CHP1: variants seen among roughly 807,000 people sequenced by gnomAD.
CHP1 encodes calcineurin like EF-hand protein 1.
CHP1 carries 11 observed loss-of-function variants against 27.4 expected under a neutral mutation model. The ratio of observed to expected loss-of-function variants is 0.40; its 90% confidence interval spans 0.25 to 0.67. The LOEUF is 0.67. Among genes scored for constraint, CHP1 ranks in the 30% least tolerant of loss-of-function variants. The pLI, the probability that CHP1 is intolerant of heterozygous loss-of-function variation, is 0.38. For missense variants in CHP1, 169 were observed against 251.3 expected (o/e 0.67, Z 2.22); for synonymous variants, 89 against 87.4 (o/e 1.02, Z -0.10).
intron 4 of CHP1, 31 bp downstream of exon 4, chr15:41,262,914 A>G (rs2047440807): frequency 1.2e-6 from 2 of 1,607,838 alleles, no homozygotes. Flanking sequence ...GGCTTAAAAT[A>G]CTTGCTTTTC....
intron 2 of CHP1, among the ~76,000 whole-genome samples, chr15:41,252,369 A>G (rs1203765244): frequency 6.6e-6 from 1 of 151,532 alleles, no homozygotes; most frequent in Non-Finnish European, 1.5e-5. Flanking sequence ...GGGTTTTACC[A>G]TCTTGGCCAG....
chr15:41,243,988 A>G (rs1399993432), intron 2 of CHP1, among the ~76,000 whole-genome samples: 1 of 152,144 alleles, frequency 6.6e-6, no homozygotes, highest in East Asian at 1.9e-4. Context: ...TCATGAGGCC[A>G]GGAGGTCCAG....
chr15:41,273,897 T>C (rs59384759), intron 5 of CHP1, among the ~76,000 whole-genome samples: 1 of 151,068 alleles, frequency 6.6e-6, no homozygotes, highest in Non-Finnish European at 1.5e-5. Context: ...GCTGAGATCA[T>C]GCCACTGCTC....
At position 41,274,115 on chromosome 15, in the gene CHP1, C is replaced by A. The variant is rs577858672; in HGVS notation, c.411+3497C>A. On this transcript the variant is annotated intron_variant, in intron 5 of 6. Coordinates refer to ENST00000334660, the MANE Select transcript of CHP1 (RefSeq NM_007236.5). ...AGCTGGGACTATAGGCACCTGCCAC[C>A]ACGCCTGGCTAATTTTTGTATTTTT... Among the ~76,000 whole-genome samples, 568 of 152,074 alleles carry A rather than the reference C, an allele frequency of 3.7e-3. 2 individuals are homozygous for A. The highest frequency in any genetic ancestry group is 6.9e-3 in the South Asian group (33 of 4,812).
rs543642916 is a variant in CHP1, at chr15:41,273,405, G to A, written c.411+2787G>A. On this transcript the variant is annotated intron_variant, in intron 5 of 6. Transcript: ENST00000334660. ...CTTATTTATCTTTTTTTCTGGAGACGGTGTTTCACTCTGTCGCCCAGGCTG... is the reference window on the plus strand; with the variant it reads ...CTTATTTATCTTTTTTTCTGGAGACAGTGTTTCACTCTGTCGCCCAGGCTG... 3.3e-5 allele frequency among the ~76,000 whole-genome samples: 5 copies of A among 151,746 alleles called. No homozygotes were observed. The South Asian group carries it at 1.0e-3, about 32-fold the overall frequency.
rs539996710 is a variant in CHP1, at chr15:41,242,759, C to T, written c.68-908C>T. ...AGGAGTTCAAGACCATCCTGGTCAA[C>T]ATGGCAAAACCCTGTCTCTACTAAA... On this transcript the variant is annotated intron_variant, in intron 1 of 6. Transcript: ENST00000334660. Among the ~76,000 whole-genome samples the T allele has an allele frequency of 1.8e-3, 273 of 151,152 alleles. 2 individuals are homozygous for T. The highest frequency in any genetic ancestry group is 3.2e-3 in the Non-Finnish European group (219 of 67,856).
chr15:41,255,443 T>TGGGTG (rs1335720970), intron 2 of CHP1, among the ~76,000 whole-genome samples: 1 of 151,922 alleles, frequency 6.6e-6, no homozygotes, highest in East Asian at 1.9e-4. Context: ...GAGGCTGAGG[T>TGGGTG]GGGTGGATCA....
chr15:41,267,340 C>A, intron 4 of CHP1, among the ~76,000 whole-genome samples: 1 of 151,810 alleles, frequency 6.6e-6, no homozygotes, highest in African/African-American at 2.4e-5. Flanking sequence ...TTAAATGATA[C>A]ATTTTATGTA....
intron 6 of CHP1, among the ~76,000 whole-genome samples, chr15:41,279,100 A>G (rs2047533548): frequency 6.6e-6 from 1 of 151,972 alleles, no homozygotes; most frequent in Admixed American, 6.6e-5. Context: ...AATCCCAGCT[A>G]CTTGGGAGGC....
chr15:41,266,337 C>G (rs961343959), intron 4 of CHP1, among the ~76,000 whole-genome samples: 1 of 151,854 alleles, frequency 6.6e-6, no homozygotes. Flanking sequence ...AGGTACAACC[C>G]TATCTACAGG....
chr15:41,264,220 C>T (rs1034966444), intron 4 of CHP1: 1 of 1,286,794 alleles, frequency 7.8e-7, no homozygotes, highest in Non-Finnish European at 1.0e-6. Context: ...AGCAACACTC[C>T]TCCCAAGCAT....
chr15:41,244,569 A>G (rs1307359853), intron 2 of CHP1, among the ~76,000 whole-genome samples: 1 of 152,132 alleles, frequency 6.6e-6, no homozygotes, highest in Non-Finnish European at 1.5e-5. Context: ...AAACATTTTT[A>G]ATTGCCATGA....
At chr15:41,254,844 AAG>A (rs1250150392) in intron 2 of CHP1, among the ~76,000 whole-genome samples, 1 of 152,206 alleles carries the variant, frequency 6.6e-6, no homozygotes, top group African/African-American at 2.4e-5. Flanking sequence ...ATATATTACA[AAG>A]AGGGTGGAGG....
At chr15:41,238,622 C>T (rs112342986) in intron 1 of CHP1, among the ~76,000 whole-genome samples, 20,022 of 150,868 alleles carry the variant, frequency 0.13, 1,561 homozygotes, top group South Asian at 0.26. Context: ...GGGTGGATCA[C>T]GAGGTCGGGA....
At chr15:41,244,815 C>T (rs1213395922) in intron 2 of CHP1, among the ~76,000 whole-genome samples, 1 of 152,134 alleles carries the variant, frequency 6.6e-6, no homozygotes, top group East Asian at 1.9e-4. Context: ...CCATTATCTC[C>T]CACACTAACT....
At chr15:41,262,457 C>T (rs980570257) in intron 3 of CHP1, among the ~76,000 whole-genome samples, 3 of 152,098 alleles carry the variant, frequency 2.0e-5, no homozygotes, top group African/African-American at 7.2e-5. Flanking sequence ...ACTCTACATT[C>T]ATTTTTTGGA....
rs1444782476 is a variant in CHP1, at chr15:41,256,976, C to T, written c.207C>T (p.Ala69=). 2 of 1,613,938 alleles carry T rather than the reference C, an allele frequency of 1.2e-6. No individual in the cohort carries two copies. The highest frequency in any genetic ancestry group is 1.7e-6 in the Non-Finnish European group (2 of 1,179,844). The change falls in exon 3 of 7, where the codon GCC becomes GCT. Residue 69 remains alanine, a synonymous_variant. Transcript: ENST00000334660. The part of the protein sequence containing the change: ...INPLGDRIIN[A]FFPEGEDQVN... ...CACTGGGGGACCGGATCATCAATGC[C>T]TTCTTTCCAGAGGGGTGAGTCAGTA...
intron 1 of CHP1, among the ~76,000 whole-genome samples, chr15:41,240,183 T>A (rs1260133061): frequency 1.3e-5 from 2 of 152,108 alleles, no homozygotes; most frequent in Non-Finnish European, 2.9e-5. Flanking sequence ...TTTTTTATTT[T>A]TATTTTTATT....
intron 4 of CHP1, among the ~76,000 whole-genome samples, chr15:41,266,398 C>T (rs770908363): frequency 2.0e-5 from 3 of 151,772 alleles, no homozygotes; most frequent in Admixed American, 6.6e-5. Context: ...ATCTTAGGCC[C>T]AGGGCATGGT....
Sources: allele counts gnomAD v4.1 joint callset (sites outside exome capture counted in the v4.1 genomes callset), GRCh38; gene constraint gnomAD v4.1.1; transcripts MANE v1.5; gene names NCBI Gene and HGNC (gene_info 2026-07-23, HGNC 2026-07-21).